Variants in NEK4 observed in about 807,000 individuals in gnomAD.
NEK4 encodes the protein serine/threonine-protein kinase Nek4.
NEK4 carries 86 observed loss-of-function variants against 98.4 expected under a neutral mutation model. The ratio of observed to expected loss-of-function variants is 0.87; its 90% confidence interval spans 0.73 to 1.05. The LOEUF is 1.05. NEK4 is among the 50% of genes least tolerant of loss of function. NEK4 has a pLI of 0.00. For synonymous variants in NEK4, 328 were observed against 342.2 expected (o/e 0.96, Z 0.46); for missense variants, 898 against 950.3 (o/e 0.94, Z 0.72).
chr3:52,748,823 C>T (rs62255396), intron 8 of NEK4, among the ~76,000 whole-genome samples: 52,340 of 152,062 alleles, frequency 0.34, 10,007 homozygotes, highest in Admixed American at 0.46. Flanking sequence ...TGGCTCACAC[C>T]CGTAATCACA....
chr3:52,737,456 G>A, intron 15 of NEK4, 130 bp downstream of exon 15: 1 of 944,268 alleles, frequency 1.1e-6, no homozygotes, highest in Non-Finnish European at 1.6e-6. Flanking sequence ...GTACAATGTT[G>A]TAAACACATT....
intron 5 of NEK4, 130 bp downstream of exon 5, chr3:52,763,340 A>T: frequency 1.0e-6 from 1 of 971,790 alleles, no homozygotes; most frequent in Non-Finnish European, 1.5e-6. Context: ...TCCTCTACAT[A>T]TGTAATCATG....
intron 15 of NEK4, among the ~76,000 whole-genome samples, chr3:52,729,334 G>A (rs747335488): frequency 1.7e-4 from 26 of 151,998 alleles, no homozygotes; most frequent in African/African-American, 3.1e-4. Context: ...AAGAACCTAC[G>A]TTGAAATATT....
chr3:52,768,644 C>G (rs142583837), intron 1 of NEK4, 40 bp from the exon 2 acceptor site: 7 of 1,598,848 alleles, frequency 4.4e-6, no homozygotes, highest in African/African-American at 4.0e-5. Context: ...TGCAAATAAA[C>G]GTAAGATTTG....
intron 4 of NEK4, among the ~76,000 whole-genome samples, chr3:52,765,574 T>C (rs1216416709): frequency 6.6e-6 from 1 of 152,202 alleles, no homozygotes; most frequent in Non-Finnish European, 1.5e-5. Context: ...CATTGAATCA[T>C]AGGCTGCTTA....
chr3:52,721,948 C>T (rs987716857), intron 15 of NEK4, among the ~76,000 whole-genome samples: 4 of 152,120 alleles, frequency 2.6e-5, no homozygotes, highest in Admixed American at 6.6e-5. Flanking sequence ...CAAATCAGTC[C>T]GAAGGCTGAA....
Position 52,746,141 on chromosome 3 carries a change from G to A in NEK4, c.1747C>T (p.Gln583Ter). 1 of 1,614,010 alleles carries A rather than the reference G, an allele frequency of 6.2e-7. No homozygotes were observed. The highest frequency in any genetic ancestry group is 8.5e-7 in the Non-Finnish European group (1 of 1,179,930). The change falls in exon 10 of 16, where the codon CAA (glutamine) becomes TAA (stop). Residue 583 changes from glutamine to a stop codon, truncating the protein, a stop_gained. Transcript: ENST00000233027. LOFTEE classifies it high-confidence loss of function. The stretch of plus-strand genomic sequence containing the variant: ...CTACGTTGGTTTTCAGCCTCTTTTT[G>A]TGTTGATGTGACATCCACTTTCCCA... ...IVGKVDVTST[Q>*]KEAENQRRVV... is the part of the protein sequence containing the mutation.
At chr3:52,759,156 A>C (rs1405263067) in intron 6 of NEK4, among the ~76,000 whole-genome samples, 3 of 151,632 alleles carry the variant, frequency 2.0e-5, no homozygotes, top group Admixed American at 2.0e-4. Flanking sequence ...TAATTCCAGC[A>C]CTTTGTTTGG....
intron 15 of NEK4, among the ~76,000 whole-genome samples, chr3:52,731,585 A>G (rs2097369702): frequency 6.6e-6 from 1 of 152,236 alleles, no homozygotes; most frequent in Non-Finnish European, 1.5e-5. Flanking sequence ...ACAACAGGAG[A>G]GCCACATACA....
intron 15 of NEK4, among the ~76,000 whole-genome samples, chr3:52,713,958 G>A (rs529188772): frequency 3.3e-5 from 5 of 152,310 alleles, no homozygotes; most frequent in Middle Eastern, 6.8e-3. Context: ...TCAGTGGCCA[G>A]GTACCATGGC....
chr3:52,752,933 T>TATATATACACACACACACAC (rs148965312), intron 6 of NEK4, among the ~76,000 whole-genome samples: 24 of 75,536 alleles, frequency 3.2e-4, no homozygotes, highest in South Asian at 9.6e-4. Context: ...TATATATATA[T>TATATATACACACACACACAC]ACACACACAC....
Position 52,710,918 on chromosome 3 carries a change from G to A in NEK4, c.*859C>T, listed in dbSNP as rs1392040990. 1 of 152,442 alleles carries A rather than the reference G, an allele frequency of 6.6e-6. No individual in the cohort carries two copies. Among genetic ancestry groups the A allele is most frequent in the Non-Finnish European group, 1.5e-5 (1 of 68,028 alleles). 9.4% of individuals were successfully genotyped at this position (152,442 alleles called of 1,614,324 possible). On this transcript the variant is annotated 3_prime_UTR_variant, in exon 16 of 16. Coordinates refer to ENST00000233027, the MANE Select transcript of NEK4 (RefSeq NM_003157.6). ...TCTTATTAAACAACTAATAAAATAT[G>A]TGCTATATAATCATACATTTAAAAC... is the stretch of plus-strand genomic sequence containing the variant.
intron 15 of NEK4, chr3:52,734,724 C>A: frequency 6.2e-6 from 1 of 161,020 alleles, no homozygotes; most frequent in South Asian, 1.6e-4. Context: ...TTAATCAAAA[C>A]TACCAGTACA....
chr3:52,770,877 G>A lies in NEK4; in HGVS notation c.-131C>T. On this transcript the variant is annotated 5_prime_UTR_variant, in exon 1 of 16. Transcript: ENST00000233027. The stretch of plus-strand genomic sequence containing the variant: ...CTGTTGAGGCAGCCGGGCCCGGGCG[G>A]GATTGCTGGGGCCCGGCCCGCGACG... 1.3e-6 allele frequency: 1 copy of A among 748,322 alleles called. No homozygotes were observed. The highest frequency in any genetic ancestry group is 2.2e-6 in the Non-Finnish European group (1 of 461,286). 46.4% of individuals were successfully genotyped at this position (748,322 alleles called of 1,614,324 possible).
At chr3:52,737,550 A>G (rs1347277505) in intron 15 of NEK4, 36 bp downstream of exon 15, 1 of 1,609,070 alleles carries the variant, frequency 6.2e-7, no homozygotes, top group Admixed American at 1.7e-5. Flanking sequence ...AAATTCTATA[A>G]CATAAGCATC....
intron 5 of NEK4, among the ~76,000 whole-genome samples, chr3:52,762,151 A>C (rs1228054189): frequency 2.0e-5 from 3 of 152,232 alleles, no homozygotes; most frequent in Non-Finnish European, 4.4e-5. Flanking sequence ...TCCAGCCCTA[A>C]GTCTTAGATC....
At chr3:52,717,406 C>CA (rs34559317) in intron 15 of NEK4, among the ~76,000 whole-genome samples, 6,063 of 83,548 alleles carry the variant, frequency 0.073, 244 homozygotes, top group African/African-American at 0.15. Flanking sequence ...GACTCCATCT[C>CA]AAAAAAAAAA....
intron 6 of NEK4, among the ~76,000 whole-genome samples, chr3:52,759,199 G>C (rs1294137577): frequency 6.6e-6 from 1 of 150,454 alleles, no homozygotes; most frequent in Non-Finnish European, 1.5e-5. Flanking sequence ...CTGAGCCCAG[G>C]AGTTTGAGAC....
intron 4 of NEK4, among the ~76,000 whole-genome samples, chr3:52,764,132 A>G (rs113071416): frequency 0.055 from 8,393 of 151,852 alleles, 496 homozygotes; most frequent in African/African-American, 0.15. Flanking sequence ...TAAAAATACA[A>G]AAAAATTAGC....
Sources: allele counts gnomAD v4.1 joint callset (sites outside exome capture counted in the v4.1 genomes callset), GRCh38; gene constraint gnomAD v4.1.1; transcripts MANE v1.5; gene names NCBI Gene and HGNC (gene_info 2026-07-23, HGNC 2026-07-21).